ANXA2: variants seen among roughly 807,000 people sequenced by gnomAD.
The protein encoded by ANXA2 is annexin II.
In ANXA2, 28 loss-of-function variants were observed where a neutral mutation model predicts 47.3. The ratio of observed to expected loss-of-function variants is 0.59; its 90% CI spans 0.44 to 0.81. The LOEUF is 0.81. ANXA2 is among the 40% of genes least tolerant of loss of function. The pLI, the probability that ANXA2 is intolerant of heterozygous loss-of-function variation, is 0.00. For missense variants in ANXA2, 384 were observed against 414.3 expected, an observed-to-expected ratio of 0.93 and a Z score of 0.64; for synonymous variants, 172 against 155.5, an observed-to-expected ratio of 1.11 and a Z score of -0.79.
intron 3 of ANXA2, among the ~76,000 whole-genome samples, chr15:60,378,735 G>A (rs1159889586): frequency 1.3e-5 from 2 of 152,180 alleles, no homozygotes; most frequent in African/African-American, 2.4e-5. Context: ...GGAGGCTGAG[G>A]TCAGCGGATC....
intron 1 of ANXA2, among the ~76,000 whole-genome samples, chr15:60,396,626 C>T (rs2063084383): frequency 6.6e-6 from 1 of 152,184 alleles, no homozygotes; most frequent in Non-Finnish European, 1.5e-5. Flanking sequence ...TCAGGCAGTG[C>T]ATGTTAAAAA....
chr15:60,368,316 A>AAAAAT (rs766502453), intron 3 of ANXA2, among the ~76,000 whole-genome samples: 116 of 113,940 alleles, frequency 1.0e-3, no homozygotes, highest in South Asian at 1.7e-3. Flanking sequence ...AATAAAAAAA[A>AAAAAT]AAAATAAAAT....
At chr15:60,376,433 A>G (rs2062780359) in intron 3 of ANXA2, among the ~76,000 whole-genome samples, 1 of 151,638 alleles carries the variant, frequency 6.6e-6, no homozygotes, top group Non-Finnish European at 1.5e-5. Flanking sequence ...CTCACAGGAG[A>G]GGGGTGACAA....
At chr15:60,385,611 C>G (rs1407973938) in intron 2 of ANXA2, 2 of 155,032 alleles carry the variant, frequency 1.3e-5, no homozygotes, top group African/African-American at 4.8e-5. Context: ...AAGTCTTCAT[C>G]TGGAATAACT....
chr15:60,347,765 T>TCAACGCA, intron 12 of ANXA2, 76 bp from the exon 13 acceptor site: 2 of 1,264,972 alleles, frequency 1.6e-6, no homozygotes. Flanking sequence ...AGAAGTAGCC[T>TCAACGCA]CAACGCACAA....
At chr15:60,397,770 A>C in intron 1 of ANXA2, 173 bp downstream of exon 1, 2 of 896,866 alleles carry the variant, frequency 2.2e-6, no homozygotes, top group South Asian at 3.1e-5. Flanking sequence ...CTTGTCCCTG[A>C]GCCCCCTCCC....
chr15:60,355,144 G>A (rs1007844499), intron 7 of ANXA2, among the ~76,000 whole-genome samples: 3 of 152,324 alleles, frequency 2.0e-5, no homozygotes, highest in East Asian at 1.9e-4. Context: ...GGAGGGTTTA[G>A]AGGACCTTTC....
chr15:60,378,844 T>C (rs2062816068), intron 3 of ANXA2, among the ~76,000 whole-genome samples: 1 of 151,958 alleles, frequency 6.6e-6, no homozygotes, highest in Admixed American at 6.6e-5. Flanking sequence ...CACACGCCTA[T>C]AGTCCCAACT....
intron 7 of ANXA2, 187 bp downstream of exon 7, chr15:60,355,732 C>A: frequency 6.0e-6 from 4 of 664,578 alleles, no homozygotes; most frequent in Non-Finnish European, 8.4e-6. Flanking sequence ...TGAGGTTTTG[C>A]AGGATAAGAA....
intron 3 of ANXA2, among the ~76,000 whole-genome samples, chr15:60,366,307 A>G (rs1595679976): frequency 7.7e-6 from 1 of 129,042 alleles, no homozygotes; most frequent in Admixed American, 7.9e-5. Flanking sequence ...CTGGCCGCCC[A>G]TCGTCTGGGA....
At chr15:60,357,749 G>A (rs1226303395) in intron 5 of ANXA2, among the ~76,000 whole-genome samples, 3 of 151,138 alleles carry the variant, frequency 2.0e-5, no homozygotes, top group African/African-American at 4.9e-5. Context: ...AGCCGAGATC[G>A]CGCCACTGCA....
At chr15:60,386,108 A>C (rs778100185) in intron 1 of ANXA2, 22 bp from the exon 2 acceptor site, 5 of 1,576,982 alleles carry the variant, frequency 3.2e-6, no homozygotes, top group East Asian at 2.2e-5. Context: ...GTACAACAAA[A>C]AGTCTTTATG....
intron 1 of ANXA2, among the ~76,000 whole-genome samples, chr15:60,391,935 G>T (rs2063017039): frequency 6.6e-6 from 1 of 151,716 alleles, no homozygotes; most frequent in Admixed American, 6.6e-5. Context: ...ATCTGTTGAT[G>T]AGTACATCTA....
chr15:60,385,802 T>C (rs1044123542), intron 2 of ANXA2: 4 of 494,390 alleles, frequency 8.1e-6, no homozygotes, highest in Middle Eastern at 5.5e-4. Flanking sequence ...GTGTCACTAA[T>C]TCTGTCCAAT....
intron 3 of ANXA2, among the ~76,000 whole-genome samples, chr15:60,375,171 A>C (rs1231255076): frequency 6.6e-6 from 1 of 152,202 alleles, no homozygotes; most frequent in Non-Finnish European, 1.5e-5. Flanking sequence ...TTTTAAAAGT[A>C]TAAGAAAAAA....
At chr15:60,387,506 C>A (rs2062949608) in intron 1 of ANXA2, among the ~76,000 whole-genome samples, 1 of 152,194 alleles carries the variant, frequency 6.6e-6, no homozygotes, top group Admixed American at 6.5e-5. Flanking sequence ...ACAGAGGAAC[C>A]TAAATTGCAC....
intron 1 of ANXA2, chr15:60,393,178 T>C: frequency 8.2e-7 from 1 of 1,224,994 alleles, no homozygotes; most frequent in Non-Finnish European, 1.0e-6. Flanking sequence ...ACACAGCACT[T>C]GCTCCAGCTT....
chr15:60,367,038 G>A (rs1595681694), intron 3 of ANXA2, among the ~76,000 whole-genome samples: 1 of 56,586 alleles, frequency 1.8e-5, no homozygotes, highest in Non-Finnish European at 3.4e-5. Context: ...TCAGCCCCCC[G>A]CCCGGCCAGC....
In ANXA2 at chr15:60,366,540, G is replaced by A. The variant is rs1283556019; in HGVS notation, c.149-2017C>T. On this transcript the variant is annotated intron_variant, in intron 3 of 12. Transcript: ENST00000451270. ...AGGAGCGTCTCTGCCCGGCCGCTCC[G>A]TCTGAGAAGTGAGGAAACCCTCTGC... Among the ~76,000 whole-genome samples, 3 of 148,756 alleles carry A rather than the reference G, an allele frequency of 2.0e-5. No individual in the cohort carries two copies. The South Asian group carries it at 6.5e-4, about 32-fold the overall frequency.
Sources: allele counts gnomAD v4.1 joint callset (sites outside exome capture counted in the v4.1 genomes callset), GRCh38; gene constraint gnomAD v4.1.1; transcripts MANE v1.5; gene names NCBI Gene and HGNC (gene_info 2026-07-23, HGNC 2026-07-21).